The following TTLL11 variants were observed in gnomAD, a reference collection of about 807,000 sequenced individuals.
TTLL11 encodes the protein tubulin polyglutamylase TTLL11.
TTLL11 carries 42 observed loss-of-function variants against 51.7 expected under a neutral mutation model. The observed-to-expected ratio is 0.81, with a 90% CI of 0.64 to 1.05. The LOEUF is 1.05. Among genes scored for constraint, TTLL11 ranks in the 50% least tolerant of loss-of-function variants. TTLL11 has a pLI of 0.00. For missense variants in TTLL11, 799 were observed against 940.4 expected, an observed-to-expected ratio of 0.85 and a Z score of 1.97; for synonymous variants, 381 against 383.5, an observed-to-expected ratio of 0.99 and a Z score of 0.08.
chr9:121,826,461 A>G (rs1417529506), intron 8 of TTLL11, among the ~76,000 whole-genome samples: 8 of 46,460 alleles, frequency 1.7e-4, no homozygotes, highest in African/African-American at 5.6e-4. Flanking sequence ...CCATATATAT[A>G]TGTGTGTATA....
In TTLL11 at chr9:121,993,575, AC is replaced by A. The variant is rs370043420; in HGVS notation, c.694-3806del. Among the ~76,000 whole-genome samples, 11 of 152,380 alleles carry A rather than the reference AC, an allele frequency of 7.2e-5. No homozygotes were observed. The East Asian group carries it at 2.1e-3, about 29-fold the overall frequency. ...TATCACCACAGTCGAAGGCTGCGTT[AC>A]AAACACACAAGTGGCATTCATCACG... On this transcript the variant is annotated intron_variant, in intron 3 of 8. Transcript: ENST00000321582.
intron 6 of TTLL11, among the ~76,000 whole-genome samples, chr9:121,909,856 G>A (rs200249346): frequency 1.3e-5 from 2 of 152,142 alleles, no homozygotes; most frequent in East Asian, 1.9e-4. Context: ...GAGCTGAGTG[G>A]GTGGCAGGTA....
intron 6 of TTLL11, among the ~76,000 whole-genome samples, chr9:121,950,034 A>G (rs1456049902): frequency 6.6e-6 from 1 of 151,898 alleles, no homozygotes; most frequent in African/African-American, 2.4e-5. Context: ...CCTTTTCCCT[A>G]TGACTAAGGA....
chr9:121,870,889 T>A, intron 6 of TTLL11, 141 bp from the exon 7 acceptor site: 1 of 985,510 alleles, frequency 1.0e-6, no homozygotes, highest in Non-Finnish European at 1.4e-6. Context: ...AGAAGTGACC[T>A]GCCCAAGCTC....
intron 5 of TTLL11, among the ~76,000 whole-genome samples, chr9:121,974,392 G>C (rs1487363101): frequency 6.6e-6 from 1 of 151,938 alleles, no homozygotes; most frequent in East Asian, 1.9e-4. Context: ...TATAGAAAGG[G>C]GTTAAGAAAA....
At chr9:122,030,476 T>C (rs1052664103) in intron 3 of TTLL11, among the ~76,000 whole-genome samples, 2 of 152,100 alleles carry the variant, frequency 1.3e-5, no homozygotes, top group East Asian at 1.9e-4. Flanking sequence ...GGCAATAAAA[T>C]AGACTCAGAA....
chr9:121,967,915 C>T (rs1350347466), intron 6 of TTLL11, among the ~76,000 whole-genome samples: 1 of 152,166 alleles, frequency 6.6e-6, no homozygotes, highest in Non-Finnish European at 1.5e-5. Flanking sequence ...GGGTATGATT[C>T]TATTCAGATG....
intron 4 of TTLL11, among the ~76,000 whole-genome samples, chr9:121,988,335 T>A (rs1842988917): frequency 6.6e-6 from 1 of 152,052 alleles, no homozygotes; most frequent in Non-Finnish European, 1.5e-5. Flanking sequence ...ATCTTTCCCC[T>A]GCTTAAAATT....
At chr9:121,885,169 G>C (rs1296157202) in intron 6 of TTLL11, 1 of 152,100 alleles carries the variant, frequency 6.6e-6, no homozygotes, top group African/African-American at 2.4e-5. Context: ...CTTGCATCTC[G>C]GTAATCCAAC....
intron 1 of TTLL11, among the ~76,000 whole-genome samples, chr9:122,072,889 C>G (rs528369031): frequency 6.6e-6 from 1 of 152,210 alleles, no homozygotes; most frequent in Admixed American, 6.5e-5. Context: ...GGGAGCTCTC[C>G]GGGGAAGGGA....
intron 5 of TTLL11, 61 bp from the exon 6 acceptor site, chr9:121,974,185 C>G: frequency 7.9e-7 from 1 of 1,264,530 alleles, no homozygotes; most frequent in Non-Finnish European, 1.1e-6. Context: ...AAGTGGCTAT[C>G]CAGCTAGCTC....
chr9:121,845,381 T>C (rs1320915393), intron 8 of TTLL11, among the ~76,000 whole-genome samples: 3 of 152,180 alleles, frequency 2.0e-5, no homozygotes, highest in Non-Finnish European at 4.4e-5. Flanking sequence ...CTGTTGCCAA[T>C]AGACTTGCTT....
intron 1 of TTLL11, among the ~76,000 whole-genome samples, chr9:122,090,099 G>A (rs1030892558): frequency 1.3e-5 from 2 of 152,032 alleles, no homozygotes; most frequent in Non-Finnish European, 2.9e-5. Context: ...GGGGTGACCA[G>A]TGCAACAGTC....
At position 121,822,580 on chromosome 9, in the gene TTLL11, G is replaced by A; in HGVS notation, c.*7C>T. ...GTCTTCCGTTTTCCAGGAGGACAGA[G>A]TGGCCCTCAGGACAGGGTATGTCTG... On this transcript the variant is annotated 3_prime_UTR_variant, in exon 9 of 9. Transcript: ENST00000321582. The surrounding 1 kb of genome is among the most constrained non-coding windows in gnomAD (Gnocchi z 5.8). 1 of 1,438,008 alleles carries A rather than the reference G, an allele frequency of 7.0e-7. No individual in the cohort carries two copies. Among genetic ancestry groups the A allele is most frequent in the Non-Finnish European group, 9.2e-7 (1 of 1,092,816 alleles). 89.1% of individuals were successfully genotyped at this position (1,438,008 alleles called of 1,614,324 possible). A position where few individuals can be genotyped will look rare whatever the true frequency, so the allele number is the denominator to read the frequency against.
chr9:122,055,922 G>A lies in TTLL11; in HGVS notation c.463-16554C>T, dbSNP rs182948556. Among the ~76,000 whole-genome samples the A allele has an allele frequency of 2.7e-3, 406 of 152,342 alleles. 3 individuals carry two copies. Among genetic ancestry groups the A allele is most frequent in the Middle Eastern group, 6.8e-3 (2 of 294 alleles). ...ACTGCATGGGCAAAGACTGAGCAGC[G>A]AGAAGCCAGGAGCCCAAGTTGCTGG... is the stretch of plus-strand genomic sequence containing the variant. On this transcript the variant is annotated intron_variant, in intron 1 of 8. Coordinates refer to ENST00000321582, the MANE Select transcript of TTLL11 (RefSeq NM_001139442.2).
At chr9:121,842,061 A>G (rs377023701) in intron 8 of TTLL11, among the ~76,000 whole-genome samples, 1 of 152,124 alleles carries the variant, frequency 6.6e-6, no homozygotes, top group Non-Finnish European at 1.5e-5. Flanking sequence ...ATTTCATCAC[A>G]TATTTGTGGA....
At chr9:121,881,033 C>T (rs7033952) in intron 6 of TTLL11, among the ~76,000 whole-genome samples, 150,089 of 152,320 alleles carry the variant, frequency 0.99, 73,981 homozygotes, top group Middle Eastern at 1. Flanking sequence ...CTGTCTCTAC[C>T]CTGGAAGAAC....
intron 1 of TTLL11, among the ~76,000 whole-genome samples, chr9:122,058,507 G>T (rs561662857): frequency 9.8e-5 from 15 of 152,348 alleles, no homozygotes; most frequent in Admixed American, 3.3e-4. Context: ...GACTACAGTG[G>T]GGTCTAATTT....
At chr9:122,043,189 A>C (rs1474051116) in intron 1 of TTLL11, among the ~76,000 whole-genome samples, 1 of 152,152 alleles carries the variant, frequency 6.6e-6, no homozygotes, top group Non-Finnish European at 1.5e-5. Context: ...CAGGTGGGGG[A>C]AAATCTCTGC....
Sources: gnomAD v4.1 joint callset for allele counts (sites outside exome capture counted in the v4.1 genomes callset) on GRCh38, gnomAD v4.1.1 for gene constraint, Gnocchi (gnomAD v3.1) non-coding constraint, MANE v1.5 for transcripts, NCBI Gene and HGNC (gene_info 2026-07-23, HGNC 2026-07-21) for gene names.